Variants in FOXK1 observed in about 807,000 individuals in gnomAD.
FOXK1 encodes forkhead box protein K1.
A neutral mutation model predicts 51.9 loss-of-function variants in FOXK1; 19 were observed. That is an observed-to-expected ratio of 0.37 (90% CI 0.26 to 0.54). The LOEUF is 0.54. Among genes scored for constraint, FOXK1 ranks in the 20% least tolerant of loss-of-function variants. The pLI, the probability that FOXK1 is intolerant of heterozygous loss-of-function variation, is 0.87. For missense variants in FOXK1, 870 were observed against 1,032.7 expected (o/e 0.84, Z 2.16); for synonymous variants, 537 against 482.6 (o/e 1.11, Z -1.48).
At chr7:4,727,062 A>G (rs1226625318) in intron 1 of FOXK1, among the ~76,000 whole-genome samples, 3 of 151,966 alleles carry the variant, frequency 2.0e-5, no homozygotes, top group African/African-American at 7.3e-5. Context: ...CTCCTGCCTC[A>G]GTCTCCTGGA....
At chr7:4,736,071 C>T (rs1156497340) in intron 1 of FOXK1, among the ~76,000 whole-genome samples, 5 of 152,114 alleles carry the variant, frequency 3.3e-5, no homozygotes, top group Non-Finnish European at 7.4e-5. Context: ...ATCCCTTGAA[C>T]CTGGGAGGCG....
chr7:4,750,005 G>A (rs888382690), intron 2 of FOXK1, among the ~76,000 whole-genome samples: 14 of 152,238 alleles, frequency 9.2e-5, no homozygotes, highest in Non-Finnish European at 1.9e-4. Context: ...GAGGCTGCCC[G>A]GGGTGGGTCA....
At chr7:4,760,384 C>G (rs1046547650) in intron 7 of FOXK1, among the ~76,000 whole-genome samples, 1 of 152,204 alleles carries the variant, frequency 6.6e-6, no homozygotes, top group Non-Finnish European at 1.5e-5. Context: ...TCCTAGGCCA[C>G]TCTCCACCCT....
Position 4,731,301 on chromosome 7 carries a change from A to G in FOXK1, c.561-9537A>G, listed in dbSNP as rs1206604570. On this transcript the variant is annotated intron_variant, in intron 1 of 8. Coordinates refer to ENST00000328914, the MANE Select transcript of FOXK1 (RefSeq NM_001037165.2). The surrounding 1 kb of genome is among the most constrained non-coding windows in gnomAD (Gnocchi z 5.3). Reference sequence around the variant, plus strand: ...CCCTGCCTCAGAGCCAAACCACTTAACAGAACCAGGCGAGCCAGGTTTAGT... The same window carrying G: ...CCCTGCCTCAGAGCCAAACCACTTAGCAGAACCAGGCGAGCCAGGTTTAGT... 6.6e-6 allele frequency among the ~76,000 whole-genome samples: 1 copy of G among 152,192 alleles called. No individual in the cohort carries two copies. Among genetic ancestry groups the G allele is most frequent in the Non-Finnish European group, 1.5e-5 (1 of 68,032 alleles).
At chr7:4,724,139 C>T (rs1335628647) in intron 1 of FOXK1, among the ~76,000 whole-genome samples, 2 of 152,184 alleles carry the variant, frequency 1.3e-5, no homozygotes, top group Non-Finnish European at 2.9e-5. Context: ...CCAAGACCTC[C>T]GTGCTCCCAG....
rs374959543 is a variant in FOXK1 at position 4,731,758 on chromosome 7, CAAA to C, written c.561-9063_561-9061del. ...TGGGCAACAAAGCGAAACTCTGCCT[CAAA>C]AAAAAAAAAAAAAAAAGAAAACAGA... is the stretch of plus-strand genomic sequence containing the variant. On this transcript the variant is annotated intron_variant, in intron 1 of 8. Transcript: ENST00000328914. This position sits in a 1 kb window ranked among gnomAD's most constrained non-coding sequence, Gnocchi z 5.3. Among the ~76,000 whole-genome samples, 12 of 68,648 alleles carry C rather than the reference CAAA, an allele frequency of 1.7e-4. No homozygotes were observed. Among genetic ancestry groups the C allele is most frequent in the Admixed American group, 4.2e-4 (3 of 7,124 alleles). The allele number at this position is 68,648 out of a possible 152,430, so 45.0% of individuals were successfully genotyped here.
intron 1 of FOXK1, among the ~76,000 whole-genome samples, chr7:4,702,423 A>C (rs547530242): frequency 1.3e-5 from 2 of 152,162 alleles, no homozygotes; most frequent in East Asian, 1.9e-4. Flanking sequence ...GCTCGCTGCA[A>C]CCTCTACCTC....
At chr7:4,691,584 C>T (rs1050147600) in intron 1 of FOXK1, among the ~76,000 whole-genome samples, 6 of 152,178 alleles carry the variant, frequency 3.9e-5, no homozygotes, top group Non-Finnish European at 5.9e-5. Context: ...GATCCACCCA[C>T]CTCGGCCTCC....
Position 4,734,996 on chromosome 7 carries a change from T to G in FOXK1, c.561-5842T>G, listed in dbSNP as rs915215823. On this transcript the variant is annotated intron_variant, in intron 1 of 8. Transcript: ENST00000328914. This position sits in a 1 kb window ranked among gnomAD's most constrained non-coding sequence, Gnocchi z 5.2. ...GAGTCTGAAATGATGACAATTGTATTTATATTTATGTCATCGAGAATTAAG... is the reference window on the plus strand; with the variant it reads ...GAGTCTGAAATGATGACAATTGTATGTATATTTATGTCATCGAGAATTAAG... Among the ~76,000 whole-genome samples, 1 of 152,172 alleles carries G rather than the reference T, an allele frequency of 6.6e-6. No individual in the cohort carries two copies. The highest frequency in any genetic ancestry group is 2.4e-5 in the African/African-American group (1 of 41,428).
At chr7:4,697,555 C>T (rs1480070551) in intron 1 of FOXK1, among the ~76,000 whole-genome samples, 1 of 152,198 alleles carries the variant, frequency 6.6e-6, no homozygotes, top group Non-Finnish European at 1.5e-5. Flanking sequence ...TCTGCACACC[C>T]CTGCCTTAGG....
intron 1 of FOXK1, among the ~76,000 whole-genome samples, chr7:4,696,999 C>G (rs1005817603): frequency 9.2e-5 from 14 of 152,208 alleles, no homozygotes; most frequent in Non-Finnish European, 1.9e-4. Flanking sequence ...ACCCGGGAGG[C>G]GGAGGTTGCA....
Position 4,762,646 on chromosome 7 carries a change from C to T in FOXK1, c.*182C>T. 1.7e-6 allele frequency: 1 copy of T among 605,392 alleles called. No individual in the cohort carries two copies. The highest frequency in any genetic ancestry group is 2.9e-6 in the Non-Finnish European group (1 of 344,800). 37.5% of individuals were successfully genotyped at this position (605,392 alleles called of 1,614,324 possible). A position where few individuals can be genotyped will look rare whatever the true frequency, so the allele number is the denominator to read the frequency against. The stretch of plus-strand genomic sequence containing the variant: ...TCGCCTGCCTTCCCGTGGTTTAAGA[C>T]AAAAACACATAAACAAGTTCAGACA... On this transcript the variant is annotated 3_prime_UTR_variant, in exon 9 of 9. Coordinates refer to ENST00000328914, the MANE Select transcript of FOXK1 (RefSeq NM_001037165.2). This position sits in a 1 kb window ranked among gnomAD's most constrained non-coding sequence, Gnocchi z 5.7.
chr7:4,745,733 A>G lies in FOXK1; in HGVS notation c.746+4710A>G, dbSNP rs1016973199. On this transcript the variant is annotated intron_variant, in intron 2 of 8. Transcript: ENST00000328914. This position sits in a 1 kb window ranked among gnomAD's most constrained non-coding sequence, Gnocchi z 4.3. ...AGCCTGGTCAACATTGTGAAACCCC[A>G]TCTCTACTGAAAATACAAAAATGAG... Among the ~76,000 whole-genome samples, 2 of 151,842 alleles carry G rather than the reference A, an allele frequency of 1.3e-5. No homozygotes were observed. Among genetic ancestry groups the G allele is most frequent in the Non-Finnish European group, 2.9e-5 (2 of 67,964 alleles).
rs189160478 is a variant in FOXK1 at position 4,755,794 on chromosome 7, A to G, written c.1050+411A>G. The stretch of plus-strand genomic sequence containing the variant: ...ATATAAAAGAGGGATGTTTTCACGA[A>G]TGGCATATGGTACATCTGAAAGGCA... On this transcript the variant is annotated intron_variant, in intron 4 of 8. Coordinates refer to ENST00000328914, the MANE Select transcript of FOXK1 (RefSeq NM_001037165.2). This position sits in a 1 kb window ranked among gnomAD's most constrained non-coding sequence, Gnocchi z 6.6. 1.3e-5 allele frequency among the ~76,000 whole-genome samples: 2 copies of G among 152,296 alleles called. No individual in the cohort carries two copies. The highest frequency in any genetic ancestry group is 1.3e-4 in the Admixed American group (2 of 15,284).
chr7:4,727,750 T>C (rs1002347526), intron 1 of FOXK1, among the ~76,000 whole-genome samples: 1 of 152,222 alleles, frequency 6.6e-6, no homozygotes, highest in African/African-American at 2.4e-5. Flanking sequence ...ATCAGAGTGC[T>C]CTCTCCTGGG....
chr7:4,759,657 C>A, intron 7 of FOXK1, 62 bp downstream of exon 7: 4 of 1,486,486 alleles, frequency 2.7e-6, no homozygotes, highest in Non-Finnish European at 3.6e-6. Flanking sequence ...GCCGGCAAGT[C>A]CCCAAGGCAG....
At position 4,711,910 on chromosome 7, in the gene FOXK1, A is replaced by C. The variant is rs117523755; in HGVS notation, c.561-28928A>C. ...GGCAGAACTTGATGGACTATGACTC[A>C]AGGTTGAGATGGGGCAGGGACTCCG... On this transcript the variant is annotated intron_variant, in intron 1 of 8. Transcript: ENST00000328914. This position sits in a 1 kb window ranked among gnomAD's most constrained non-coding sequence, Gnocchi z 6.3. Among the ~76,000 whole-genome samples, 6,137 of 152,172 alleles carry C rather than the reference A, an allele frequency of 0.04. 208 individuals carry two copies. Among genetic ancestry groups the C allele is most frequent in the Middle Eastern group, 0.095 (28 of 294 alleles).
At chr7:4,737,515 T>A (rs956237084) in intron 1 of FOXK1, among the ~76,000 whole-genome samples, 6 of 151,170 alleles carry the variant, frequency 4.0e-5, no homozygotes, top group African/African-American at 1.5e-4. Context: ...GGCGTGTCCG[T>A]GCATGCATGT....
At chr7:4,740,065 C>CA (rs1161796366) in intron 1 of FOXK1, among the ~76,000 whole-genome samples, 1 of 152,212 alleles carries the variant, frequency 6.6e-6, no homozygotes, top group African/African-American at 2.4e-5. Context: ...GAGGCTGAGG[C>CA]AGGTGGATCA....
Sources: allele counts gnomAD v4.1 joint callset (sites outside exome capture counted in the v4.1 genomes callset), GRCh38; gene constraint gnomAD v4.1.1; non-coding constraint Gnocchi (gnomAD v3.1); transcripts MANE v1.5; gene names NCBI Gene and HGNC (gene_info 2026-07-23, HGNC 2026-07-21).